The following PRR16 variants were observed in gnomAD, a reference collection of about 807,000 sequenced individuals.
The protein encoded by PRR16 is proline rich 16.
Under a neutral mutation model 18.2 loss-of-function variants are expected in PRR16, and 6 were observed. That is an observed-to-expected ratio of 0.33 (90% CI 0.18 to 0.65). The LOEUF is 0.65. Ranked by LOEUF, PRR16 falls within the 30% of genes least tolerant of loss-of-function variation. PRR16 has a pLI of 0.74. For missense variants in PRR16, 412 were observed against 376.6 expected, an observed-to-expected ratio of 1.09 and a Z score of -0.78; for synonymous variants, 151 against 147.8, an observed-to-expected ratio of 1.02 and a Z score of -0.16.
intron 1 of PRR16, among the ~76,000 whole-genome samples, chr5:120,600,462 G>C (rs1382742905): frequency 6.6e-6 from 1 of 151,832 alleles, no homozygotes; most frequent in African/African-American, 2.4e-5. Context: ...AAACTGAATA[G>C]AGAATATGAG....
At chr5:120,530,281 A>ATATTTATT (rs1280890843) in intron 1 of PRR16, among the ~76,000 whole-genome samples, 6 of 92,688 alleles carry the variant, frequency 6.5e-5, no homozygotes, top group African/African-American at 2.6e-4. Flanking sequence ...ATATATATAT[A>ATATTTATT]TATTTATTTA....
chr5:120,530,184 TA>T (rs1274328165), intron 1 of PRR16, among the ~76,000 whole-genome samples: 1 of 146,274 alleles, frequency 6.8e-6, no homozygotes, highest in Admixed American at 6.9e-5. Context: ...GCAGTGCTTA[TA>T]TATATAGAAT....
chr5:120,740,744 G>A, the PRR16 span, among the ~76,000 whole-genome samples: 1 of 152,126 alleles, frequency 6.6e-6, no homozygotes, highest in East Asian at 1.9e-4. Context: ...CATAGGAATT[G>A]GGGGAGGGGG....
chr5:120,646,048 T>TATATATATATATATATATATA (rs1755584808), intron 1 of PRR16, among the ~76,000 whole-genome samples: 1 of 104,994 alleles, frequency 9.5e-6, no homozygotes, highest in Non-Finnish European at 2.1e-5. Context: ...AATACATATT[T>TATATATATATATATATATATA]TATATATATA....
intron 1 of PRR16, among the ~76,000 whole-genome samples, chr5:120,589,627 C>T (rs1753565023): frequency 6.6e-6 from 1 of 152,042 alleles, no homozygotes; most frequent in African/African-American, 2.4e-5. Context: ...AAAGGCACTT[C>T]TTACATGGTG....
the PRR16 span, among the ~76,000 whole-genome samples, chr5:120,712,822 A>G: frequency 1.3e-5 from 2 of 151,762 alleles, no homozygotes; most frequent in Non-Finnish European, 2.9e-5. Context: ...TCAATTGATA[A>G]TAAGTGTTGG....
the PRR16 span, among the ~76,000 whole-genome samples, chr5:120,703,051 G>A: frequency 1.3e-5 from 2 of 152,124 alleles, no homozygotes; most frequent in Non-Finnish European, 2.9e-5. Flanking sequence ...GGCTGAGTCC[G>A]AAAAGAGAGT....
In PRR16 at chr5:120,522,414, G is replaced by A. The variant is rs190964548; in HGVS notation, c.159+57769G>A. On this transcript the variant is annotated intron_variant, in intron 1 of 1. Transcript: ENST00000407149. Reference sequence around the variant, plus strand: ...TTGTGGTTTTGATTTGCATTTCTCTGATGGCCAGTGATGATCAGCATTTTT... The same window carrying A: ...TTGTGGTTTTGATTTGCATTTCTCTAATGGCCAGTGATGATCAGCATTTTT... Among the ~76,000 whole-genome samples the A allele has an allele frequency of 1.4e-3, 220 of 152,278 alleles. 1 individual carries two copies. Among genetic ancestry groups the A allele is most frequent in the African/African-American group, 5.2e-3 (215 of 41,562 alleles).
At chr5:120,705,705 A>G in the PRR16 span, among the ~76,000 whole-genome samples, 61 of 152,268 alleles carry the variant, frequency 4.0e-4, no homozygotes, top group African/African-American at 1.3e-3. Context: ...TATGATCACT[A>G]TGTATATTTG....
intron 1 of PRR16, among the ~76,000 whole-genome samples, chr5:120,588,098 A>T (rs1322685618): frequency 6.6e-6 from 1 of 152,196 alleles, no homozygotes; most frequent in East Asian, 1.9e-4. Flanking sequence ...GTGCCTGAAG[A>T]TATAACTGAA....
At chr5:120,464,903 C>T (rs1485704401) in intron 1 of PRR16, among the ~76,000 whole-genome samples, 1 of 151,944 alleles carries the variant, frequency 6.6e-6, no homozygotes, top group Non-Finnish European at 1.5e-5. Context: ...TGAACGCACG[C>T]GTGTCTCTGA....
chr5:120,750,474 C>A, the PRR16 span, among the ~76,000 whole-genome samples: 2 of 151,722 alleles, frequency 1.3e-5, no homozygotes, highest in African/African-American at 2.4e-5. Flanking sequence ...GCCTGATCAA[C>A]ATGGTGAAAT....
chr5:120,728,054 GA>G, the PRR16 span, among the ~76,000 whole-genome samples: 7 of 151,762 alleles, frequency 4.6e-5, no homozygotes, highest in African/African-American at 1.4e-4. Context: ...AATATCACAT[GA>G]AAAAATTATT....
At chr5:120,604,501 A>G (rs899177708) in intron 1 of PRR16, among the ~76,000 whole-genome samples, 4 of 152,064 alleles carry the variant, frequency 2.6e-5, no homozygotes, top group South Asian at 2.1e-4. Context: ...TCTTTATTCA[A>G]CTTGCCACTT....
the PRR16 span, among the ~76,000 whole-genome samples, chr5:120,693,001 G>A: frequency 6.6e-6 from 1 of 152,036 alleles, no homozygotes; most frequent in East Asian, 1.9e-4. Context: ...TAAATGAATT[G>A]TCCCCCAAAT....
the PRR16 span, among the ~76,000 whole-genome samples, chr5:120,766,346 TA>T: frequency 2.0e-5 from 3 of 152,114 alleles, no homozygotes; most frequent in African/African-American, 7.2e-5. Flanking sequence ...TTCTTTTTCT[TA>T]ATAAAGTTAA....
intron 1 of PRR16, among the ~76,000 whole-genome samples, chr5:120,645,910 ATAGCCCAGG>A (rs1222249012): frequency 6.6e-6 from 1 of 151,882 alleles, no homozygotes; most frequent in Non-Finnish European, 1.5e-5. Context: ...TTCCCTGGAG[ATAGCCCAGG>A]AGTCTTCCCT....
At chr5:120,719,693 G>T in the PRR16 span, among the ~76,000 whole-genome samples, 1 of 151,992 alleles carries the variant, frequency 6.6e-6, no homozygotes, top group African/African-American at 2.4e-5. Flanking sequence ...AGCTCTAAGA[G>T]AAAAACTTTA....
intron 1 of PRR16, among the ~76,000 whole-genome samples, chr5:120,655,003 A>G (rs902315487): frequency 6.6e-6 from 1 of 151,986 alleles, no homozygotes; most frequent in African/African-American, 2.4e-5. Context: ...TGCTCAATAT[A>G]TACTTACTGA....
Sources: gnomAD v4.1 joint callset for allele counts (sites outside exome capture counted in the v4.1 genomes callset) on GRCh38, gnomAD v4.1.1 for gene constraint, MANE v1.5 for transcripts, NCBI Gene and HGNC (gene_info 2026-07-23, HGNC 2026-07-21) for gene names.